The following DPYD variants were observed in gnomAD, a reference collection of about 807,000 sequenced individuals.
DPYD encodes dihydropyrimidine dehydrogenase.
In DPYD, 109 loss-of-function variants were observed where a neutral mutation model predicts 116.2. The observed-to-expected ratio is 0.94, with a 90% CI of 0.80 to 1.10. The LOEUF (loss-of-function observed/expected upper bound fraction) is 1.10. Ranked by LOEUF, DPYD falls within the 50% of genes least tolerant of loss-of-function variation. The pLI, the probability that DPYD is intolerant of heterozygous loss-of-function variation, is 0.00. For missense variants in DPYD, 1,302 were observed against 1,254.5 expected (o/e 1.04, Z -0.57); for synonymous variants, 440 against 432.0 (o/e 1.02, Z -0.23).
intron 3 of DPYD, among the ~76,000 whole-genome samples, chr1:97,747,644 T>C (rs1264898886): frequency 6.6e-6 from 1 of 152,224 alleles, no homozygotes; most frequent in Non-Finnish European, 1.5e-5. Flanking sequence ...TATATGTATG[T>C]AGCTATGTAT....
At chr1:97,239,243 T>G (rs920554851) in intron 18 of DPYD, among the ~76,000 whole-genome samples, 2 of 152,198 alleles carry the variant, frequency 1.3e-5, no homozygotes, top group East Asian at 3.8e-4. Context: ...AGCCAGAGAT[T>G]TTGAATTAAG....
intron 20 of DPYD, among the ~76,000 whole-genome samples, chr1:97,179,928 G>A (rs571649556): frequency 1.5e-4 from 23 of 152,194 alleles, no homozygotes; most frequent in Non-Finnish European, 2.9e-4. Flanking sequence ...AGAAGAAAAG[G>A]AAAGGAGATG....
At position 97,515,863 on chromosome 1, in the gene DPYD, C is replaced by G. The variant is rs1570880795; in HGVS notation, c.1603G>C (p.Val535Leu). Residue 535 changes from valine to leucine, a missense_variant, in exon 13 of 23, where the codon GTA becomes CTA. Physicochemically the swap from Val to Leu is conservative, Grantham distance 32. Coordinates refer to ENST00000370192, the MANE Select transcript of DPYD (RefSeq NM_000110.4). The part of the protein sequence containing the change: ...YTPIDLVDIS[V>L]EMAGLKFINP... ...ATAAACTTCAATCCGGCCATTTCTA[C>G]ACTAATGTCCACCAGATCAATAGGA... 6.2e-7 allele frequency: 1 copy of G among 1,612,778 alleles called. No homozygotes were observed. Among genetic ancestry groups the G allele is most frequent in the Non-Finnish European group, 8.5e-7 (1 of 1,179,232 alleles).
intron 10 of DPYD, among the ~76,000 whole-genome samples, chr1:97,584,312 C>T (rs969284111): frequency 1.3e-5 from 2 of 151,748 alleles, no homozygotes; most frequent in African/African-American, 4.8e-5. Flanking sequence ...GGATATTAGC[C>T]CTTTGTCAGA....
intron 3 of DPYD, among the ~76,000 whole-genome samples, chr1:97,802,408 T>C (rs746229324): frequency 6.6e-6 from 1 of 151,886 alleles, no homozygotes; most frequent in Non-Finnish European, 1.5e-5. Flanking sequence ...TGCTCCATAC[T>C]ACCAGCAATC....
chr1:97,529,676 CTCT>C lies in DPYD; in HGVS notation c.1525-13738_1525-13736del, dbSNP rs1649425201. Among the ~76,000 whole-genome samples the C allele has an allele frequency of 3.4e-5, 5 of 149,000 alleles. No homozygotes were observed. The South Asian group carries it at 1.1e-3, about 32-fold the overall frequency. ...CCCTTCCTTTTTTTCTTTTCTCTTT[CTCT>C]TTTCTTTTCTTTCTTTCCTTTCTTT... On this transcript the variant is annotated intron_variant, in intron 12 of 22. Transcript: ENST00000370192.
intron 1 of DPYD, among the ~76,000 whole-genome samples, chr1:97,917,580 G>A (rs1674277721): frequency 6.6e-6 from 1 of 152,054 alleles, no homozygotes; most frequent in African/African-American, 2.4e-5. Flanking sequence ...TTGATTTTGT[G>A]GACAATGGAC....
chr1:97,310,710 C>T (rs1185598703), intron 16 of DPYD, among the ~76,000 whole-genome samples: 1 of 151,692 alleles, frequency 6.6e-6, no homozygotes, highest in Non-Finnish European at 1.5e-5. Context: ...AAAAGGTAGA[C>T]ATGGACTTAC....
intron 3 of DPYD, among the ~76,000 whole-genome samples, chr1:97,771,796 GA>G (rs1399012281): frequency 6.6e-6 from 1 of 151,988 alleles, no homozygotes; most frequent in Non-Finnish European, 1.5e-5. Flanking sequence ...AATGGATAAG[GA>G]AAAAAGCCAT....
Position 97,721,630 on chromosome 1 carries a change from T to G in DPYD, c.363A>C (p.Pro121=), listed in dbSNP as rs747135235. The change falls in exon 5 of 23, where the codon CCA becomes CCC. Residue 121 remains proline (P), a synonymous_variant. Transcript: ENST00000370192. ...GAAKMIFSDN[P]LGLTCGMVCP... ...ATACCATTCCACAAGTCAGACCAAG[T>G]GGGTTGTCAGAAAATATCATCTTAG... The G allele has an allele frequency of 2.5e-6, 4 of 1,611,590 alleles. No homozygotes were observed. In the East Asian group the frequency reaches 6.7e-5, roughly 27 times the overall value.
chr1:97,724,030 G>T (rs1663070438), intron 4 of DPYD, among the ~76,000 whole-genome samples: 1 of 151,428 alleles, frequency 6.6e-6, no homozygotes, highest in Admixed American at 6.6e-5. Flanking sequence ...TAGAATAAAA[G>T]ACAAAAAATC....
intron 2 of DPYD, among the ~76,000 whole-genome samples, 194 bp from the exon 3 acceptor site, chr1:97,828,390 C>G (rs1669353738): frequency 6.6e-6 from 1 of 152,096 alleles, no homozygotes; most frequent in Non-Finnish European, 1.5e-5. Context: ...TTTTATGATA[C>G]AGCTGTCACA....
At chr1:97,554,187 T>C (rs1031624407) in intron 11 of DPYD, among the ~76,000 whole-genome samples, 18 of 152,092 alleles carry the variant, frequency 1.2e-4, no homozygotes, top group African/African-American at 4.3e-4. Flanking sequence ...CACTAGCAGA[T>C]GCAGATTGCC....
At chr1:97,492,726 A>C (rs563508134) in intron 13 of DPYD, among the ~76,000 whole-genome samples, 1 of 152,258 alleles carries the variant, frequency 6.6e-6, no homozygotes, top group South Asian at 2.1e-4. Context: ...AAGATAATAA[A>C]CATTTTTATC....
chr1:97,781,409 C>T (rs1189578945), intron 3 of DPYD, among the ~76,000 whole-genome samples: 2 of 152,174 alleles, frequency 1.3e-5, no homozygotes, highest in African/African-American at 4.8e-5. Context: ...TTTGCTCATC[C>T]ATTCTTGTAT....
At chr1:97,542,437 G>T (rs1372113850) in intron 12 of DPYD, among the ~76,000 whole-genome samples, 1 of 152,100 alleles carries the variant, frequency 6.6e-6, no homozygotes, top group South Asian at 2.1e-4. Context: ...ACCCCTCATG[G>T]AGTGAGCAAC....
chr1:97,612,836 T>G (rs1047921707), intron 8 of DPYD, among the ~76,000 whole-genome samples: 3 of 152,002 alleles, frequency 2.0e-5, no homozygotes, highest in African/African-American at 7.2e-5. Context: ...GTCATTTACC[T>G]GAGGCTTCCT....
chr1:97,540,616 A>T (rs1020602891), intron 12 of DPYD, among the ~76,000 whole-genome samples: 1 of 152,170 alleles, frequency 6.6e-6, no homozygotes, highest in Non-Finnish European at 1.5e-5. Context: ...GCAAGTTCTC[A>T]GAACCTAGTC....
Position 97,079,055 on chromosome 1 carries a change from T to A in DPYD, c.2999A>T (p.Asp1000Val). 6.2e-7 allele frequency: 1 copy of A among 1,613,720 alleles called. No homozygotes were observed. The highest frequency in any genetic ancestry group is 8.5e-7 in the Non-Finnish European group (1 of 1,179,730). The change falls in exon 23 of 23, where the codon GAC becomes GTC. Residue 1000 changes from aspartate (D) to valine (V), a missense_variant. Coordinates refer to ENST00000370192, the MANE Select transcript of DPYD (RefSeq NM_000110.4). ...TLCLSVCPIV[D>V]CIKMVSRTTP... Reference sequence around the variant, plus strand: ...TGTCCTGGAAACCATTTTGATGCAGTCGACAATAGGGCAAACACTGAGACA... The same window carrying A: ...TGTCCTGGAAACCATTTTGATGCAGACGACAATAGGGCAAACACTGAGACA...
Sources: allele counts gnomAD v4.1 joint callset (sites outside exome capture counted in the v4.1 genomes callset), GRCh38; gene constraint gnomAD v4.1.1; transcripts MANE v1.5; gene names NCBI Gene and HGNC (gene_info 2026-07-23, HGNC 2026-07-21).